The following ANKRD30BL variants were observed in gnomAD, a reference collection of about 807,000 sequenced individuals.
ANKRD30BL encodes the protein ankyrin repeat domain 30B like.
ANKRD30BL carries 20 observed loss-of-function variants against 18.4 expected under a neutral mutation model. The observed-to-expected ratio is 1.09, with a 90% confidence interval of 0.77 to 1.58. ANKRD30BL has a LOEUF of 1.58. Among genes scored for constraint, ANKRD30BL ranks in the 40% most tolerant of loss-of-function variants. ANKRD30BL has a pLI of 0.00. For missense variants in ANKRD30BL, 224 were observed against 268.6 expected (o/e 0.83, Z 1.16); for synonymous variants, 72 against 100.9 (o/e 0.71, Z 1.72).
chr2:132,221,853 G>A (rs1423107290), intron 1 of ANKRD30BL, among the ~76,000 whole-genome samples: 19 of 117,786 alleles, frequency 1.6e-4, no homozygotes, highest in Admixed American at 3.8e-4. Flanking sequence ...CAGCCGCCCC[G>A]TCCGGGAGGG....
At chr2:132,232,564 C>T (rs1680052009) in intron 1 of ANKRD30BL, among the ~76,000 whole-genome samples, 1 of 151,608 alleles carries the variant, frequency 6.6e-6, no homozygotes, top group Non-Finnish European at 1.5e-5. Context: ...CTGATGCAAT[C>T]AACTGGAAAA....
At chr2:132,257,267 C>G (rs796686672) in intron 1 of ANKRD30BL, among the ~76,000 whole-genome samples, 1 of 147,554 alleles carries the variant, frequency 6.8e-6, no homozygotes, top group Non-Finnish European at 1.5e-5. Flanking sequence ...CCCCGTGCCA[C>G]GCAAACACGG....
intron 1 of ANKRD30BL, among the ~76,000 whole-genome samples, chr2:132,175,786 A>G (rs10928277): frequency 0.61 from 92,759 of 152,082 alleles, 30,317 homozygotes; most frequent in African/African-American, 0.86. Flanking sequence ...CAAGCATACT[A>G]CTTGTAAACA....
intron 1 of ANKRD30BL, among the ~76,000 whole-genome samples, chr2:132,211,449 T>A (rs1006306902): frequency 1.3e-5 from 2 of 152,124 alleles, no homozygotes; most frequent in Non-Finnish European, 2.9e-5. Flanking sequence ...GATATATGCA[T>A]TCATCTCACA....
chr2:132,243,877 T>G (rs1680403644), intron 1 of ANKRD30BL, among the ~76,000 whole-genome samples: 1 of 152,270 alleles, frequency 6.6e-6, no homozygotes, highest in South Asian at 2.1e-4. Context: ...TGGAGCGCTT[T>G]GAGGCCTATG....
chr2:132,179,998 TA>T (rs1014328404), intron 1 of ANKRD30BL, among the ~76,000 whole-genome samples: 1 of 152,070 alleles, frequency 6.6e-6, no homozygotes, highest in Non-Finnish European at 1.5e-5. Flanking sequence ...GTATATTAAA[TA>T]AAAAAATTAC....
At chr2:132,152,892 G>A (rs1687796767) in intron 4 of ANKRD30BL, among the ~76,000 whole-genome samples, 1 of 152,194 alleles carries the variant, frequency 6.6e-6, no homozygotes, top group Non-Finnish European at 1.5e-5. Context: ...TGCTCACTAT[G>A]TGTGTGGCTA....
At chr2:132,196,587 A>T (rs183430752) in intron 1 of ANKRD30BL, among the ~76,000 whole-genome samples, 92 of 152,320 alleles carry the variant, frequency 6.0e-4, no homozygotes, top group Non-Finnish European at 2.9e-5. Flanking sequence ...GGAGTTCTAG[A>T]CCAGGCTGAC....
chr2:132,199,128 G>A (rs1442977995), intron 1 of ANKRD30BL, among the ~76,000 whole-genome samples: 5 of 152,140 alleles, frequency 3.3e-5, no homozygotes, highest in Non-Finnish European at 5.9e-5. Flanking sequence ...GAGGCGGGCA[G>A]ATCAGAAGGT....
intron 3 of ANKRD30BL, chr2:132,156,509 A>G (rs1224419801): frequency 3.3e-5 from 5 of 152,278 alleles, no homozygotes; most frequent in Admixed American, 6.5e-5. Context: ...GCACAGTAGC[A>G]AACTGGAAAC....
intron 1 of ANKRD30BL, among the ~76,000 whole-genome samples, chr2:132,240,172 G>A (rs1395435393): frequency 1.3e-5 from 2 of 151,818 alleles, no homozygotes; most frequent in African/African-American, 4.8e-5. Context: ...CTAGATAGAA[G>A]CATTCTCAGA....
At chr2:132,172,552 C>A (rs1361101111) in intron 1 of ANKRD30BL, among the ~76,000 whole-genome samples, 1 of 152,062 alleles carries the variant, frequency 6.6e-6, no homozygotes, top group Admixed American at 6.6e-5. Flanking sequence ...AAGTCCTTTG[C>A]CTATTTAAAA....
At chr2:132,181,145 A>G (rs1488039824) in intron 1 of ANKRD30BL, among the ~76,000 whole-genome samples, 1 of 151,972 alleles carries the variant, frequency 6.6e-6, no homozygotes. Flanking sequence ...CTCCGTCTCA[A>G]AAAAAGAAAA....
intron 4 of ANKRD30BL, chr2:132,153,730 C>T (rs530482290): frequency 1.1e-5 from 12 of 1,062,356 alleles, no homozygotes; most frequent in South Asian, 5.0e-5. Context: ...TTATTAGGAA[C>T]GAACGAATTT....
intron 1 of ANKRD30BL, among the ~76,000 whole-genome samples, chr2:132,234,260 C>T (rs540656047): frequency 2.6e-5 from 4 of 152,132 alleles, no homozygotes; most frequent in South Asian, 2.1e-4. Context: ...GACACCCTAA[C>T]ATCACAATTA....
intron 5 of ANKRD30BL, among the ~76,000 whole-genome samples, chr2:132,149,037 A>G (rs1177109625): frequency 2.0e-4 from 30 of 152,272 alleles, no homozygotes; most frequent in Non-Finnish European, 3.8e-4. Context: ...TTGTATTATG[A>G]GCACCTTAAA....
chr2:132,224,186 C>A (rs200053446), intron 1 of ANKRD30BL, among the ~76,000 whole-genome samples: 1 of 152,020 alleles, frequency 6.6e-6, no homozygotes, highest in East Asian at 1.9e-4. Context: ...GTGATGTGTG[C>A]ATTCAACTCA....
At chr2:132,233,355 T>G (rs1680072790) in intron 1 of ANKRD30BL, among the ~76,000 whole-genome samples, 1 of 144,632 alleles carries the variant, frequency 6.9e-6, no homozygotes, top group Non-Finnish European at 1.5e-5. Flanking sequence ...TAAATGTAAA[T>G]GGACTAAATG....
chr2:132,168,595 G>A (rs183334221), intron 1 of ANKRD30BL, among the ~76,000 whole-genome samples: 94 of 152,220 alleles, frequency 6.2e-4, no homozygotes, highest in African/African-American at 2.2e-3. Flanking sequence ...TAGGAAAAAT[G>A]GGGAGATGCT....
Sources: gnomAD v4.1 joint callset for allele counts (sites outside exome capture counted in the v4.1 genomes callset) on GRCh38, gnomAD v4.1.1 for gene constraint, MANE v1.5 for transcripts, NCBI Gene and HGNC (gene_info 2026-07-23, HGNC 2026-07-21) for gene names.